SP100: variants seen among roughly 807,000 people sequenced by gnomAD.
SP100 encodes the protein nuclear autoantigen Sp-100.
Under a neutral mutation model 130.0 loss-of-function variants are expected in SP100, and 84 were observed. The observed-to-expected ratio is 0.65, with a 90% CI of 0.54 to 0.77. The LOEUF (loss-of-function observed/expected upper bound fraction) is 0.77, where lower values mean the gene tolerates loss of function less well. SP100 is among the 30% of genes least tolerant of loss of function. SP100 has a pLI of 0.00. For synonymous variants in SP100, 331 were observed against 351.7 expected, an observed-to-expected ratio of 0.94 and a Z score of 0.66; for missense variants, 978 against 1,052.2, an observed-to-expected ratio of 0.93 and a Z score of 0.97.
intron 8 of SP100, among the ~76,000 whole-genome samples, chr2:230,451,782 T>G (rs1180656860): frequency 6.8e-6 from 1 of 147,068 alleles, no homozygotes; most frequent in Non-Finnish European, 1.5e-5. Flanking sequence ...GGTATTAAAT[T>G]TCAGTATTTA....
In SP100 at chr2:230,539,105, A is replaced by G. The variant is rs560221167; in HGVS notation, c.2095-162A>G. ...CTGACACACAGCCACTATCTACTGA[A>G]CTTTGCCGCAGACCAAAATGTCTTC... On this transcript the variant is annotated intron_variant, in intron 24 of 28. Transcript: ENST00000340126. 897 of 491,330 alleles carry G rather than the reference A, an allele frequency of 1.8e-3. 2 individuals carry two copies. Among genetic ancestry groups the G allele is most frequent in the Middle Eastern group, 3.7e-3 (9 of 2,450 alleles). The allele number at this position is 491,330 out of a possible 1,614,324, so 30.4% of individuals were successfully genotyped here. A position where few individuals can be genotyped will look rare whatever the true frequency, so the allele number is the denominator to read the frequency against.
chr2:230,508,179 A>T, intron 23 of SP100, 148 bp downstream of exon 23: 10 of 1,357,560 alleles, frequency 7.4e-6, no homozygotes, highest in Non-Finnish European at 9.8e-6. Context: ...TTCAAACATT[A>T]TTCAATGTAT....
chr2:230,453,243 T>C (rs1273677179), intron 8 of SP100, among the ~76,000 whole-genome samples: 1 of 152,194 alleles, frequency 6.6e-6, no homozygotes, highest in African/African-American at 2.4e-5. Flanking sequence ...CTCACTGTTG[T>C]GAGAACAGCA....
intron 11 of SP100, among the ~76,000 whole-genome samples, chr2:230,465,461 G>A (rs1304517063): frequency 1.3e-5 from 2 of 152,142 alleles, no homozygotes; most frequent in Non-Finnish European, 2.9e-5. Context: ...GGAGCTGGAG[G>A]CTATTATCCT....
At chr2:230,420,119 G>T (rs763591514) in intron 2 of SP100, among the ~76,000 whole-genome samples, 11 of 152,136 alleles carry the variant, frequency 7.2e-5, no homozygotes, top group Non-Finnish European at 1.5e-5. Context: ...TTGTTGGGTC[G>T]CTTTAGTTCT....
At chr2:230,443,815 G>A (rs941399361) in intron 3 of SP100, among the ~76,000 whole-genome samples, 1 of 152,170 alleles carries the variant, frequency 6.6e-6, no homozygotes, top group Non-Finnish European at 1.5e-5. Context: ...CAGTCTTGGG[G>A]GAAGAGCAGG....
intron 2 of SP100, among the ~76,000 whole-genome samples, chr2:230,434,039 C>T (rs999688323): frequency 6.6e-6 from 1 of 151,370 alleles, no homozygotes; most frequent in African/African-American, 2.4e-5. Flanking sequence ...TGGTTAGAAC[C>T]CTGAAACTGT....
At chr2:230,511,741 T>C (rs1169794567) in intron 24 of SP100, among the ~76,000 whole-genome samples, 1 of 152,182 alleles carries the variant, frequency 6.6e-6, no homozygotes, top group Non-Finnish European at 1.5e-5. Context: ...CTGAGCTGGT[T>C]AGGACAAAAA....
intron 24 of SP100, among the ~76,000 whole-genome samples, chr2:230,528,703 G>C (rs904827180): frequency 1.3e-5 from 2 of 151,798 alleles, no homozygotes; most frequent in Non-Finnish European, 2.9e-5. Flanking sequence ...AGAAGAAAAG[G>C]GAGAAGAATC....
chr2:230,515,578 G>A, intron 24 of SP100: 1 of 1,599,842 alleles, frequency 6.3e-7, no homozygotes, highest in Non-Finnish European at 8.5e-7. Context: ...GAAAAAGAAG[G>A]AAGAGGAAGA....
At position 230,469,044 on chromosome 2, in the gene SP100, T is replaced by A; in HGVS notation, c.1293T>A (p.Ala431=). The part of the protein sequence containing the change: ...GALRSKHGEK[A]PMTSRSTSTW... ...ATTTGGTTTTCCTTTACTTTCTAGC[T>A]CCTATGACTTCTAGAAGTACATCTA... The change falls in exon 14 of 29, where the codon GCT becomes GCA. Residue 431 remains alanine (A), a splice_region_variant and synonymous_variant. Coordinates refer to ENST00000340126, the MANE Select transcript of SP100 (RefSeq NM_001080391.2). 1 of 1,583,952 alleles carries A rather than the reference T, an allele frequency of 6.3e-7. No homozygotes were observed.
intron 2 of SP100, among the ~76,000 whole-genome samples, chr2:230,427,156 T>G (rs1280934321): frequency 8.6e-6 from 1 of 116,794 alleles, no homozygotes; most frequent in East Asian, 1.9e-4. Context: ...CTAAAAGGAG[T>G]CTCTCTCTCT....
rs534249930 is a variant in SP100 at position 230,503,683 on chromosome 2, C to T, written c.1766-503C>T. On this transcript the variant is annotated intron_variant, in intron 20 of 28. Transcript: ENST00000340126. ...CCCCCACACCAAGCTTCCCTTTTAG[C>T]GTCGGAGAAAGCTCAAGTGAAAAAG... Among the ~76,000 whole-genome samples, 25 of 152,232 alleles carry T rather than the reference C, an allele frequency of 1.6e-4. No homozygotes were observed. In the South Asian group the frequency reaches 2.1e-3, roughly 13 times the overall value.
In SP100 at chr2:230,473,237, G is replaced by A; in HGVS notation, c.1430-87G>A. ...AGCCCATCCCTTAATTTAGCTGTGG[G>A]GAGTGGGCAGTCACTAATGTTGGGG... On this transcript the variant is annotated intron_variant, in intron 15 of 28. Coordinates refer to ENST00000340126, the MANE Select transcript of SP100 (RefSeq NM_001080391.2). 3.7e-6 allele frequency: 3 copies of A among 802,150 alleles called. No homozygotes were observed. The South Asian group carries it at 4.6e-5, about 12-fold the overall frequency. The allele number at this position is 802,150 out of a possible 1,614,324, so 49.7% of individuals were successfully genotyped here.
At chr2:230,527,493 G>A (rs1305642697) in intron 24 of SP100, among the ~76,000 whole-genome samples, 2 of 152,120 alleles carry the variant, frequency 1.3e-5, no homozygotes, top group African/African-American at 2.4e-5. Context: ...AAAGACCATC[G>A]ATGCTATGAA....
At chr2:230,460,447 G>A (rs2064528694) in intron 8 of SP100, among the ~76,000 whole-genome samples, 2 of 152,160 alleles carry the variant, frequency 1.3e-5, no homozygotes, top group African/African-American at 4.8e-5. Flanking sequence ...AGAGAAAAGA[G>A]ATTATTCCAT....
chr2:230,540,772 G>A lies in SP100; in HGVS notation c.2211-104G>A, dbSNP rs1460690896. ...CCTCCAAGAGAGAAGTTGGATACAA[G>A]GTGGAAACCACTAGGCATTCTTGAG... On this transcript the variant is annotated intron_variant, in intron 25 of 28. Coordinates refer to ENST00000340126, the MANE Select transcript of SP100 (RefSeq NM_001080391.2). The A allele has an allele frequency of 8.4e-6, 12 of 1,423,636 alleles. No homozygotes were observed. The African/African-American group carries it at 1.3e-4, about 15-fold the overall frequency. The allele number at this position is 1,423,636 out of a possible 1,614,324, so 88.2% of individuals were successfully genotyped here.
At chr2:230,438,595 G>T (rs558161397) in intron 2 of SP100, among the ~76,000 whole-genome samples, 1 of 149,924 alleles carries the variant, frequency 6.7e-6, no homozygotes, top group Admixed American at 6.7e-5. Flanking sequence ...TGCTGAGAAC[G>T]CCATTATTGC....
At chr2:230,464,470 A>T (rs1649865) in intron 11 of SP100, among the ~76,000 whole-genome samples, 19 of 152,350 alleles carry the variant, frequency 1.2e-4, no homozygotes, top group Non-Finnish European at 2.6e-4. Flanking sequence ...GAAATAATGT[A>T]CTTATTCTCT....
Sources: allele counts gnomAD v4.1 joint callset (sites outside exome capture counted in the v4.1 genomes callset), GRCh38; gene constraint gnomAD v4.1.1; transcripts MANE v1.5; gene names NCBI Gene and HGNC (gene_info 2026-07-23, HGNC 2026-07-21).